ITGB5: variants seen among roughly 807,000 people sequenced by gnomAD.
ITGB5 encodes integrin subunit beta 5, also known as integrin beta-5.
A neutral mutation model predicts 84.8 loss-of-function variants in ITGB5; 38 were observed. That is an observed-to-expected ratio of 0.45 (90% confidence interval 0.35 to 0.59). The LOEUF is 0.59. Among genes scored for constraint, ITGB5 ranks in the 20% least tolerant of loss-of-function variants. The pLI is 0.01. For synonymous variants in ITGB5, 393 were observed against 414.4 expected, an observed-to-expected ratio of 0.95 and a Z score of 0.63; for missense variants, 905 against 1,034.5, an observed-to-expected ratio of 0.87 and a Z score of 1.72.
chr3:124,892,076 T>C (rs1935013234), upstream of ITGB5, among the ~76,000 whole-genome samples: 2 of 152,076 alleles, frequency 1.3e-5, no homozygotes, highest in Admixed American at 1.3e-4. Context: ...TATTGTATGA[T>C]TCCACATACT....
At position 124,774,379 on chromosome 3, in the gene ITGB5, G is replaced by C. The variant is rs151186000; in HGVS notation, c.1694-467C>G. 1.2e-3 allele frequency among the ~76,000 whole-genome samples: 188 copies of C among 152,322 alleles called. 1 individual carries two copies. The highest frequency in any genetic ancestry group is 4.2e-3 in the African/African-American group (173 of 41,560). On this transcript the variant is annotated intron_variant, in intron 10 of 14. Transcript: ENST00000296181. ...AATGTAATCACCAAGGTTCTTCTGA[G>C]AGGGAGCAAGGGAGACTGGACTACA... is the stretch of plus-strand genomic sequence containing the variant.
At chr3:124,842,307 T>G (rs1341803748) in intron 4 of ITGB5, among the ~76,000 whole-genome samples, 1 of 152,232 alleles carries the variant, frequency 6.6e-6, no homozygotes, top group Non-Finnish European at 1.5e-5. Flanking sequence ...TATGGGGTGA[T>G]CTCCTTTTCA....
intron 5 of ITGB5, 52 bp downstream of exon 5, chr3:124,841,331 G>A (rs78624958): frequency 5.9e-5 from 92 of 1,562,040 alleles, no homozygotes; most frequent in South Asian, 2.0e-4. Flanking sequence ...ACCCACTGAC[G>A]CTCTCTACCT....
chr3:124,853,769 G>A (rs1211872635), intron 3 of ITGB5, among the ~76,000 whole-genome samples: 1 of 152,158 alleles, frequency 6.6e-6, no homozygotes, highest in Non-Finnish European at 1.5e-5. Flanking sequence ...TTTTGAGAAT[G>A]TACTTTTGTT....
intron 9 of ITGB5, 79 bp from the exon 10 acceptor site, chr3:124,796,896 T>G: frequency 4.2e-6 from 6 of 1,421,660 alleles, no homozygotes; most frequent in Non-Finnish European, 5.7e-6. Flanking sequence ...GGGCCCTTGA[T>G]GAAGAGCAGC....
intron 10 of ITGB5, among the ~76,000 whole-genome samples, chr3:124,788,271 C>G (rs2150957012): frequency 6.6e-6 from 1 of 152,274 alleles, no homozygotes; most frequent in East Asian, 1.9e-4. Flanking sequence ...TAGACACTGT[C>G]CTGTTGGTTC....
At chr3:124,806,241 G>A (rs945648473) in intron 9 of ITGB5, among the ~76,000 whole-genome samples, 1 of 152,138 alleles carries the variant, frequency 6.6e-6, no homozygotes, top group African/African-American at 2.4e-5. Flanking sequence ...AGATTAGACA[G>A]TCCATCCCTC....
intron 13 of ITGB5, among the ~76,000 whole-genome samples, chr3:124,765,743 C>T (rs999969187): frequency 6.6e-6 from 1 of 152,158 alleles, no homozygotes; most frequent in African/African-American, 2.4e-5. Context: ...GCAGCAGTGA[C>T]CTCAGATCTG....
chr3:124,886,876 C>T, intron 1 of ITGB5, 55 bp downstream of exon 1: 1 of 1,129,328 alleles, frequency 8.9e-7, no homozygotes, highest in Non-Finnish European at 1.1e-6. Flanking sequence ...AGACGCCCGC[C>T]CGCGGCTGAG....
At chr3:124,857,267 C>T (rs887567314) in intron 3 of ITGB5, 1 of 152,238 alleles carries the variant, frequency 6.6e-6, no homozygotes, top group African/African-American at 2.4e-5. Context: ...TTCCAAGGCA[C>T]TGAGCATCCC....
At chr3:124,829,155 G>A (rs911178816) in intron 5 of ITGB5, among the ~76,000 whole-genome samples, 1 of 152,054 alleles carries the variant, frequency 6.6e-6, no homozygotes. Flanking sequence ...TATGGGTGAT[G>A]CTTATTTCCT....
intron 5 of ITGB5, among the ~76,000 whole-genome samples, chr3:124,835,937 A>G (rs2064929134): frequency 1.3e-5 from 2 of 152,176 alleles, no homozygotes. Context: ...AGCCTGAGCC[A>G]GAAGAGACAA....
intron 11 of ITGB5, among the ~76,000 whole-genome samples, chr3:124,771,764 AAAAG>A (rs1283475284): frequency 6.6e-6 from 1 of 151,854 alleles, no homozygotes; most frequent in Non-Finnish European, 1.5e-5. Context: ...AAAAAAAAAA[AAAAG>A]GAATCGTGAT....
At chr3:124,847,640 T>C (rs974991730) in intron 4 of ITGB5, among the ~76,000 whole-genome samples, 1 of 152,042 alleles carries the variant, frequency 6.6e-6, no homozygotes, top group African/African-American at 2.4e-5. Context: ...AGCACCTGAG[T>C]CCCTGAGTCA....
At chr3:124,775,722 T>TA (rs2150939498) in intron 10 of ITGB5, among the ~76,000 whole-genome samples, 1 of 152,328 alleles carries the variant, frequency 6.6e-6, no homozygotes, top group Non-Finnish European at 1.5e-5. Context: ...CTGAGTCAGT[T>TA]ACCTGGCTTG....
rs753424555 is a variant in ITGB5, at chr3:124,773,730, C to G, written c.1876G>C (p.Glu626Gln). ...TEPGAFGEMC[E>Q]KCPTCPDACS... Reference sequence around the variant, plus strand: ...GCATCCGGGCAGGTGGGGCACTTCTCACACATCTCCCCAAAGGCCCCCGGC... The same window carrying G: ...GCATCCGGGCAGGTGGGGCACTTCTGACACATCTCCCCAAAGGCCCCCGGC... The change falls in exon 11 of 15, where the codon GAG becomes CAG. Residue 626 changes from glutamate to glutamine, a missense_variant. Transcript: ENST00000296181. 1 of 1,612,518 alleles carries G rather than the reference C, an allele frequency of 6.2e-7. No individual in the cohort carries two copies. The highest frequency in any genetic ancestry group is 2.1e-4 in the Middle Eastern group (1 of 4,662).
intron 1 of ITGB5, among the ~76,000 whole-genome samples, chr3:124,879,950 T>A (rs1393231995): frequency 2.0e-5 from 3 of 152,234 alleles, no homozygotes; most frequent in African/African-American, 7.2e-5. Context: ...TCGCTTGATA[T>A]GAGTTATACT....
intron 13 of ITGB5, 83 bp downstream of exon 13, chr3:124,766,143 A>C (rs2063764295): frequency 1.4e-6 from 2 of 1,385,694 alleles, no homozygotes; most frequent in Non-Finnish European, 9.9e-7. Flanking sequence ...CAGAAAGGGC[A>C]GTGGTCCCAG....
At chr3:124,860,882 C>G (rs967425720) in intron 2 of ITGB5, among the ~76,000 whole-genome samples, 1 of 152,166 alleles carries the variant, frequency 6.6e-6, no homozygotes, top group Admixed American at 6.5e-5. Flanking sequence ...TACCCAATGC[C>G]CTTTAGAATC....
Sources: allele counts gnomAD v4.1 joint callset (sites outside exome capture counted in the v4.1 genomes callset), GRCh38; gene constraint gnomAD v4.1.1; transcripts MANE v1.5; gene names NCBI Gene and HGNC (gene_info 2026-07-23, HGNC 2026-07-21).